Variants in TJP3 observed in about 807,000 individuals in gnomAD.
The protein encoded by TJP3 is tight junction protein 3.
A neutral mutation model predicts 104.2 loss-of-function variants in TJP3; 85 were observed. The ratio of observed to expected loss-of-function variants is 0.82; its 90% CI spans 0.68 to 0.98. The LOEUF (loss-of-function observed/expected upper bound fraction) is 0.98, where lower values mean the gene tolerates loss of function less well. TJP3 is among the 50% of genes least tolerant of loss of function. TJP3 has a pLI of 0.00. For synonymous variants in TJP3, 550 were observed against 550.6 expected (o/e 1.00, Z 0.02); for missense variants, 1,367 against 1,322.8 (o/e 1.03, Z -0.52).
chr19:3,721,856 C>A, intron 1 of TJP3: 1 of 1,212,722 alleles, frequency 8.2e-7, no homozygotes, highest in Non-Finnish European at 1.0e-6. Flanking sequence ...TCCAGGACCC[C>A]CTCGGGTAGG....
At chr19:3,750,010 T>C (rs2036968711) in intron 19 of TJP3, 128 bp from the exon 20 acceptor site, 4 of 1,182,106 alleles carry the variant, frequency 3.4e-6, no homozygotes, top group Non-Finnish European at 5.0e-6. Flanking sequence ...CCTGCAGACT[T>C]GTCACGGGGT....
intron 11 of TJP3, 143 bp downstream of exon 11, chr19:3,736,464 C>T: frequency 1.2e-6 from 1 of 830,282 alleles, no homozygotes; most frequent in Non-Finnish European, 1.7e-6. Context: ...TTCAGTGTCT[C>T]CTTGGCTGTG....
At chr19:3,720,167 T>C (rs1027201636) in intron 1 of TJP3, among the ~76,000 whole-genome samples, 2 of 152,166 alleles carry the variant, frequency 1.3e-5, no homozygotes, top group Non-Finnish European at 2.9e-5. Flanking sequence ...ACACAGCAAA[T>C]AGGTGAGAGC....
In TJP3 at chr19:3,746,145, A is replaced by G. The variant is rs2036884214; in HGVS notation, c.2010+64A>G. 6.2e-6 allele frequency: 9 copies of G among 1,461,094 alleles called. No individual in the cohort carries two copies. Among genetic ancestry groups the G allele is most frequent in the South Asian group, 1.2e-5 (1 of 82,778 alleles). 90.5% of individuals were successfully genotyped at this position (1,461,094 alleles called of 1,614,324 possible). A position where few individuals can be genotyped will look rare whatever the true frequency, so the allele number is the denominator to read the frequency against. On this transcript the variant is annotated intron_variant, in intron 16 of 20. Transcript: ENST00000541714. This position sits in a 1 kb window ranked among gnomAD's most constrained non-coding sequence, Gnocchi z 4.1. ...GGGGAAACCGAGGCCTGGGCATCCA[A>G]CTGAATGTCCTGACCTGTTCTCAGC...
chr19:3,734,017 C>A, intron 7 of TJP3, 105 bp downstream of exon 7: 3 of 1,439,246 alleles, frequency 2.1e-6, no homozygotes, highest in Non-Finnish European at 2.8e-6. Flanking sequence ...TCCCTAGAGG[C>A]TCAGAGAGTG....
Position 3,739,069 on chromosome 19 carries a change from G to A in TJP3, c.1566G>A (p.Trp522Ter), listed in dbSNP as rs1486115497. 2 of 1,607,374 alleles carry A rather than the reference G, an allele frequency of 1.2e-6. No individual in the cohort carries two copies. The highest frequency in any genetic ancestry group is 2.7e-5 in the African/African-American group (2 of 74,832). ...AGAGCCACGCACGAGGAGGCCACTG[G>A]CTGGCGGTGCGCATGGGTCGTGACC... Reference protein sequence around the residue: ...PGQSHARGGHWLAVRMGRDLR... With the variant: ...PGQSHARGGH The change falls in exon 13 of 21, where the codon TGG (tryptophan) becomes TGA (stop). Residue 522 changes from tryptophan to a stop codon, truncating the protein, a stop_gained. Coordinates refer to ENST00000541714, the MANE Select transcript of TJP3 (RefSeq NM_001267560.2). LOFTEE classifies it high-confidence loss of function.
In TJP3 at chr19:3,746,152, G is replaced by A. The variant is rs2036884320; in HGVS notation, c.2010+71G>A. The A allele has an allele frequency of 7.0e-7, 1 of 1,427,764 alleles. No homozygotes were observed. The highest frequency in any genetic ancestry group is 9.7e-7 in the Non-Finnish European group (1 of 1,032,908). 88.4% of individuals were successfully genotyped at this position (1,427,764 alleles called of 1,614,324 possible). A position where few individuals can be genotyped will look rare whatever the true frequency, so the allele number is the denominator to read the frequency against. On this transcript the variant is annotated intron_variant, in intron 16 of 20. Coordinates refer to ENST00000541714, the MANE Select transcript of TJP3 (RefSeq NM_001267560.2). This position sits in a 1 kb window ranked among gnomAD's most constrained non-coding sequence, Gnocchi z 4.1. The stretch of plus-strand genomic sequence containing the variant: ...CCGAGGCCTGGGCATCCAACTGAAT[G>A]TCCTGACCTGTTCTCAGCCCACACC...
intron 7 of TJP3, among the ~76,000 whole-genome samples, 154 bp downstream of exon 7, chr19:3,734,066 T>A (rs3746123): frequency 0.68 from 103,649 of 152,036 alleles, 35,655 homozygotes; most frequent in Admixed American, 0.77. Flanking sequence ...AGTCAAGAGT[T>A]CAGGGGGGCG....
At chr19:3,721,884 A>T in intron 1 of TJP3, 1 of 1,194,378 alleles carries the variant, frequency 8.4e-7, no homozygotes, top group Non-Finnish European at 1.0e-6. Context: ...GAGAGCCCCC[A>T]GGTGGACCAT....
chr19:3,746,443 G>A lies in TJP3; in HGVS notation c.2011-42G>A, dbSNP rs1434362343. Reference sequence around the variant, plus strand: ...CTATCTTTCTCTCTCTGTTTACCCTGCTGCAATCCCCCTCACCCCAACGTC... The same window carrying A: ...CTATCTTTCTCTCTCTGTTTACCCTACTGCAATCCCCCTCACCCCAACGTC... On this transcript the variant is annotated intron_variant, in intron 16 of 20. Transcript: ENST00000541714. This position sits in a 1 kb window ranked among gnomAD's most constrained non-coding sequence, Gnocchi z 4.1. The A allele has an allele frequency of 1.9e-6, 3 of 1,599,552 alleles. No individual in the cohort carries two copies. In the African/African-American group the frequency reaches 4.0e-5, roughly 21 times the overall value.
At chr19:3,713,163 G>A (rs545004068) in intron 1 of TJP3, among the ~76,000 whole-genome samples, 3 of 152,090 alleles carry the variant, frequency 2.0e-5, no homozygotes, top group Non-Finnish European at 2.9e-5. Context: ...GGGCTGAGCC[G>A]GCCACACCTA....
chr19:3,721,743 G>T, intron 1 of TJP3: 1 of 389,658 alleles, frequency 2.6e-6, no homozygotes, highest in East Asian at 3.8e-5. Context: ...GTGCAGCCGG[G>T]AGCTGCGGAG....
In TJP3 at chr19:3,730,033, G is replaced by A. The variant is rs776354865; in HGVS notation, c.164G>A (p.Gly55Asp). The change falls in exon 4 of 21, where the codon GGC becomes GAC. Residue 55 changes from glycine to aspartate, a missense_variant. Coordinates refer to ENST00000541714, the MANE Select transcript of TJP3 (RefSeq NM_001267560.2). The surrounding 1 kb of genome is among the most constrained non-coding windows in gnomAD (Gnocchi z 7.3). ...GACCCGCCCTCCTCTCTCAGGACAG[G>A]CGACCACATCGTCATGGTGAACGGG... Reference protein sequence around the residue: ...GGPAEGRLQTGDHIVMVNGVS... With the variant: ...GGPAEGRLQTDDHIVMVNGVS... The A allele has an allele frequency of 1.9e-6, 3 of 1,613,868 alleles. No individual in the cohort carries two copies. In the South Asian group the frequency reaches 3.3e-5, roughly 18 times the overall value.
intron 15 of TJP3, among the ~76,000 whole-genome samples, chr19:3,745,511 C>G (rs549972741): frequency 6.6e-6 from 1 of 152,300 alleles, no homozygotes; most frequent in South Asian, 2.1e-4. Context: ...TTGAACCCCT[C>G]CATGCCAGGC....
chr19:3,728,625 A>C lies in TJP3; in HGVS notation c.70A>C (p.Ile24Leu), dbSNP rs775690420. The change falls in exon 3 of 21, where the codon ATT (isoleucine) becomes CTT (leucine). Residue 24 changes from isoleucine (I) to leucine (L), a missense_variant. Ile to Leu is a conservative substitution (Grantham distance 5, BLOSUM62 2). Transcript: ENST00000541714. ...LSKDPRRGFG[I>L]AISGGRDRPG... ...TCAGGACCCCCGCCGGGGCTTTGGC[A>C]TTGCGATCTCTGGAGGCCGAGACCG... The C allele has an allele frequency of 1.9e-6, 3 of 1,613,432 alleles. No homozygotes were observed.
chr19:3,736,123 C>A (rs1237174459), intron 10 of TJP3, 42 bp from the exon 11 acceptor site: 1 of 1,560,960 alleles, frequency 6.4e-7, no homozygotes. Flanking sequence ...CTCCCTTTGT[C>A]CGCCCACTCT....
chr19:3,732,755 C>A (rs1050128413), intron 6 of TJP3, among the ~76,000 whole-genome samples: 1 of 151,930 alleles, frequency 6.6e-6, no homozygotes, highest in Admixed American at 6.6e-5. Flanking sequence ...GTGATCCCCC[C>A]CGCTCGGCCT....
At chr19:3,748,471 C>T (rs1170019509) in intron 19 of TJP3, among the ~76,000 whole-genome samples, 1 of 151,254 alleles carries the variant, frequency 6.6e-6, no homozygotes, top group Non-Finnish European at 1.5e-5. Context: ...GGGGTTTCAC[C>T]ATTGGTCAGG....
chr19:3,744,061 T>G (rs2145701378), intron 15 of TJP3, 27 bp downstream of exon 15: 1 of 1,603,786 alleles, frequency 6.2e-7, no homozygotes, highest in Non-Finnish European at 8.5e-7. Flanking sequence ...TCTGGAAACC[T>G]CGTTGGTGAA....
Sources: gnomAD v4.1 joint callset for allele counts (sites outside exome capture counted in the v4.1 genomes callset) on GRCh38, gnomAD v4.1.1 for gene constraint, Gnocchi (gnomAD v3.1) non-coding constraint, MANE v1.5 for transcripts, NCBI Gene and HGNC (gene_info 2026-07-23, HGNC 2026-07-21) for gene names.